Variants in DLEC1 observed in about 807,000 individuals in gnomAD.
DLEC1 encodes the protein DLEC1 cilia and flagella associated protein.
A neutral mutation model predicts 198.1 loss-of-function variants in DLEC1; 146 were observed. That is an observed-to-expected ratio of 0.74 (90% CI 0.64 to 0.85). The LOEUF (loss-of-function observed/expected upper bound fraction) is 0.85. Among genes scored for constraint, DLEC1 ranks in the 40% least tolerant of loss-of-function variants. The pLI, the probability that DLEC1 is intolerant of heterozygous loss-of-function variation, is 0.00. For missense variants in DLEC1, 2,233 were observed against 2,220.0 expected, an observed-to-expected ratio of 1.01 and a Z score of -0.12; for synonymous variants, 897 against 866.8, an observed-to-expected ratio of 1.03 and a Z score of -0.61.
intron 6 of DLEC1, among the ~76,000 whole-genome samples, chr3:38,079,039 G>C (rs1697801357): frequency 6.6e-6 from 1 of 152,182 alleles, no homozygotes; most frequent in African/African-American, 2.4e-5. Flanking sequence ...AGCGGGGTAA[G>C]GGTGATTAGG....
At chr3:38,118,246 G>A (rs1700288429) in intron 33 of DLEC1, among the ~76,000 whole-genome samples, 1 of 152,178 alleles carries the variant, frequency 6.6e-6, no homozygotes, top group Admixed American at 6.5e-5. Flanking sequence ...ACCAGACGTT[G>A]TGTTCACATA....
At chr3:38,043,207 C>G (rs1011065117) in intron 1 of DLEC1, among the ~76,000 whole-genome samples, 3 of 152,178 alleles carry the variant, frequency 2.0e-5, no homozygotes, top group Admixed American at 2.0e-4. Context: ...TTCTATAAGC[C>G]TCAGTTTCCT....
At chr3:38,070,829 G>A (rs1697277505) in intron 6 of DLEC1, among the ~76,000 whole-genome samples, 1 of 152,156 alleles carries the variant, frequency 6.6e-6, no homozygotes. Flanking sequence ...GCGGGGCAGG[G>A]CATTTTCACT....
chr3:38,069,791 C>G (rs1321636768), intron 6 of DLEC1, among the ~76,000 whole-genome samples: 2 of 152,234 alleles, frequency 1.3e-5, no homozygotes, highest in Non-Finnish European at 2.9e-5. Context: ...GGTGCTCACA[C>G]CCTAGTTCCC....
intron 25 of DLEC1, among the ~76,000 whole-genome samples, chr3:38,113,316 A>G (rs1699984037): frequency 6.6e-6 from 1 of 152,236 alleles, no homozygotes; most frequent in South Asian, 2.1e-4. Flanking sequence ...AGGAGTGGAT[A>G]CAGACATTGG....
intron 23 of DLEC1, among the ~76,000 whole-genome samples, chr3:38,111,202 T>C (rs1039848145): frequency 6.6e-6 from 1 of 152,118 alleles, no homozygotes; most frequent in African/African-American, 2.4e-5. Context: ...ACCACGGCTA[T>C]GGGTGGAAGG....
rs1296761135 is a variant in DLEC1, at chr3:38,108,502, C to T, written c.3116C>T (p.Thr1039Ile). Reference protein sequence around the residue: ...SEECQLKLELTAHTQEELTHL... With the variant: ...SEECQLKLELIAHTQEELTHL... ...GAGTGCCAGCTCAAGTTGGAGTTGA[C>T]TGCTCATACCCAGGTGAGTAAGGCA... The change falls in exon 21 of 37, where the codon ACT (threonine) becomes ATT (isoleucine). Residue 1039 changes from threonine to isoleucine, a missense_variant. By Grantham distance (89) the Thr-to-Ile change is moderately conservative (BLOSUM62 -1). Transcript: ENST00000308059. The T allele has an allele frequency of 6.2e-7, 1 of 1,614,002 alleles. No individual in the cohort carries two copies. The highest frequency in any genetic ancestry group is 8.5e-7 in the Non-Finnish European group (1 of 1,179,954).
intron 1 of DLEC1, 143 bp from the exon 2 acceptor site, chr3:38,045,400 T>C (rs905547269): frequency 1.1e-5 from 12 of 1,128,578 alleles, no homozygotes; most frequent in African/African-American, 6.4e-5. Context: ...TCAGATCTAG[T>C]AGTTCAGACC....
chr3:38,114,011 A>C (rs892953760), intron 25 of DLEC1, among the ~76,000 whole-genome samples: 2 of 151,240 alleles, frequency 1.3e-5, no homozygotes, highest in African/African-American at 4.9e-5. Flanking sequence ...AGTGGCTCAC[A>C]CTTGTAGATC....
intron 19 of DLEC1, chr3:38,103,309 TG>T (rs1396400923): frequency 6.6e-6 from 1 of 152,288 alleles, no homozygotes; most frequent in Non-Finnish European, 1.5e-5. Flanking sequence ...AGCCCTGACC[TG>T]GCTAAGCCAA....
chr3:38,094,846 T>G, intron 12 of DLEC1, 33 bp from the exon 13 acceptor site: 1 of 1,607,626 alleles, frequency 6.2e-7, no homozygotes. Context: ...CCAGCAGAAC[T>G]GGGACATGGC....
At chr3:38,106,125 A>G (rs1699555652) in intron 19 of DLEC1, among the ~76,000 whole-genome samples, 2 of 152,224 alleles carry the variant, frequency 1.3e-5, no homozygotes, top group Admixed American at 1.3e-4. Flanking sequence ...TATACATTAT[A>G]GGTTTATCAA....
intron 6 of DLEC1, among the ~76,000 whole-genome samples, chr3:38,083,713 G>T (rs1698187151): frequency 6.6e-6 from 1 of 152,128 alleles, no homozygotes; most frequent in Non-Finnish European, 1.5e-5. Context: ...CTTAGCTTAG[G>T]CTCAGAGTTC....
At chr3:38,053,962 A>C (rs1696195211) in intron 2 of DLEC1, among the ~76,000 whole-genome samples, 1 of 152,150 alleles carries the variant, frequency 6.6e-6, no homozygotes, top group South Asian at 2.1e-4. Context: ...GGGCGGTGCA[A>C]GATGTGCTTT....
chr3:38,039,572 G>A lies in DLEC1; in HGVS notation c.347G>A (p.Ser116Asn). Residue 116 changes from serine (S) to asparagine (N), a missense_variant, in exon 1 of 37, where the codon AGC becomes AAC. Ser to Asn is a conservative substitution (Grantham distance 46, BLOSUM62 1). Transcript: ENST00000308059. ...GTCATCGGCGACGAAGTGAGCGCAA[G>A]CTTGATCAAGGCCCGCGGCAGCGAG... is the stretch of plus-strand genomic sequence containing the variant. The part of the protein sequence containing the change: ...AEVIGDEVSA[S>N]LIKARGSENE... The A allele has an allele frequency of 6.2e-7, 1 of 1,613,684 alleles. No homozygotes were observed. The highest frequency in any genetic ancestry group is 8.5e-7 in the Non-Finnish European group (1 of 1,179,790).
intron 34 of DLEC1, 81 bp from the exon 35 acceptor site, chr3:38,121,547 G>C (rs956312543): frequency 2.0e-6 from 3 of 1,514,480 alleles, no homozygotes; most frequent in Admixed American, 4.1e-5. Flanking sequence ...TCAGCACTTG[G>C]GGTCAGCAGG....
At chr3:38,106,285 C>A (rs1699563244) in intron 19 of DLEC1, among the ~76,000 whole-genome samples, 2 of 152,178 alleles carry the variant, frequency 1.3e-5, no homozygotes, top group Middle Eastern at 3.4e-3. Flanking sequence ...TTCTTAATAA[C>A]CTATTAAGAC....
chr3:38,092,165 T>C (rs1698776275), intron 10 of DLEC1, among the ~76,000 whole-genome samples: 1 of 152,188 alleles, frequency 6.6e-6, no homozygotes. Context: ...AAGTGTCTAT[T>C]GATAGAGGAT....
Position 38,097,626 on chromosome 3 carries a change from G to T in DLEC1, c.2554G>T (p.Ala852Ser). The change falls in exon 17 of 37, where the codon GCT becomes TCT. Residue 852 changes from alanine (A) to serine (S), a missense_variant. By Grantham distance (99) the Ala-to-Ser change is moderately conservative (BLOSUM62 1). Transcript: ENST00000308059. ...SPSPVVLHIE[A>S]VFKGPALIIN... ...CTCGCCAGTGGTGTTACACATTGAG[G>T]CTGTCTTTAAGGTGCTGCAGGTGGA... 1 of 1,614,194 alleles carries T rather than the reference G, an allele frequency of 6.2e-7. No individual in the cohort carries two copies. The highest frequency in any genetic ancestry group is 8.5e-7 in the Non-Finnish European group (1 of 1,180,034).
Sources: allele counts gnomAD v4.1 joint callset (sites outside exome capture counted in the v4.1 genomes callset), GRCh38; gene constraint gnomAD v4.1.1; transcripts MANE v1.5; gene names NCBI Gene and HGNC (gene_info 2026-07-23, HGNC 2026-07-21).